Variants in RPS6KA2 observed in about 807,000 individuals in gnomAD.
The protein encoded by RPS6KA2 is ribosomal protein S6 kinase alpha-2.
In RPS6KA2, 42 loss-of-function variants were observed where a neutral mutation model predicts 91.8. The ratio of observed to expected loss-of-function variants is 0.46; its 90% CI spans 0.36 to 0.59. The LOEUF (loss-of-function observed/expected upper bound fraction) is 0.59. Ranked by LOEUF, RPS6KA2 falls within the 20% of genes least tolerant of loss-of-function variation. The probability of loss-of-function intolerance (pLI) is 0.00; values close to 1 mark genes in which losing one functional copy is unlikely to be tolerated. For missense variants in RPS6KA2, 798 were observed against 978.5 expected (o/e 0.82, Z 2.46); for synonymous variants, 414 against 393.6 (o/e 1.05, Z -0.61).
In RPS6KA2 at chr6:166,850,819, G is replaced by A. The variant is rs59700440; in HGVS notation, c.123+7381C>T. Among the ~76,000 whole-genome samples the A allele has an allele frequency of 8.6e-3, 1,311 of 152,208 alleles. 18 individuals are homozygous for A. The highest frequency in any genetic ancestry group is 0.03 in the African/African-American group (1,250 of 41,522). On this transcript the variant is annotated intron_variant, in intron 2 of 21. Transcript: ENST00000503859. The stretch of plus-strand genomic sequence containing the variant: ...ACAGGGACATGGAGGGACAGACAAC[G>A]TGGCCAGCACCCTCTGTGTGACCAG...
rs1482110679 is a variant in RPS6KA2 at position 166,735,656 on chromosome 6, G to C, written c.123+122544C>G. Reference sequence around the variant, plus strand: ...CAGGAGCATGCAACCTAGATCCCTCGTGTGCACAGTTCACAATAGGGTTCA... The same window carrying C: ...CAGGAGCATGCAACCTAGATCCCTCCTGTGCACAGTTCACAATAGGGTTCA... On this transcript the variant is annotated intron_variant, in intron 2 of 21. Coordinates refer to the RPS6KA2 transcript ENST00000503859. 5.6e-5 allele frequency among the ~76,000 whole-genome samples: 8 copies of C among 143,276 alleles called. 1 individual carries two copies. The highest frequency in any genetic ancestry group is 5.5e-4 in the Admixed American group (8 of 14,618). 94.0% of individuals were successfully genotyped at this position (143,276 alleles called of 152,430 possible). A position where few individuals can be genotyped will look rare whatever the true frequency, so the allele number is the denominator to read the frequency against.
At chr6:166,522,120 A>T (rs980961351) in intron 3 of RPS6KA2, among the ~76,000 whole-genome samples, 17 of 152,368 alleles carry the variant, frequency 1.1e-4, no homozygotes, top group South Asian at 2.1e-4. Context: ...TTTAGAAGCC[A>T]CACAATCTAT....
At chr6:166,527,780 G>A (rs7765185) in intron 3 of RPS6KA2, among the ~76,000 whole-genome samples, 5 of 151,832 alleles carry the variant, frequency 3.3e-5, no homozygotes, top group East Asian at 1.9e-4. Context: ...TCTCCTGGAC[G>A]GTCATATGAG....
Position 166,490,893 on chromosome 6 carries a change from G to A in RPS6KA2, c.748-152C>T. On this transcript the variant is annotated intron_variant, in intron 8 of 20. Coordinates refer to ENST00000265678, the MANE Select transcript of RPS6KA2 (RefSeq NM_021135.6). The surrounding 1 kb of genome is among the most constrained non-coding windows in gnomAD (Gnocchi z 4.2). ...GTAGCCACTGGCCTACGTGCTTGGG[G>A]TACAACAGTGACTAAAACTGCCTCG... 1.6e-6 allele frequency: 1 copy of A among 620,852 alleles called. No individual in the cohort carries two copies. The highest frequency in any genetic ancestry group is 2.9e-6 in the Non-Finnish European group (1 of 349,050). The allele number at this position is 620,852 out of a possible 1,614,324, so 38.5% of individuals were successfully genotyped here.
chr6:166,415,920 C>T (rs1355204568), intron 19 of RPS6KA2, among the ~76,000 whole-genome samples: 1 of 149,032 alleles, frequency 6.7e-6, no homozygotes, highest in Non-Finnish European at 1.5e-5. Context: ...CGTCCTTCCT[C>T]CATCACCCCC....
At chr6:166,739,382 A>C (rs1408346283) in intron 2 of RPS6KA2, among the ~76,000 whole-genome samples, 1 of 152,226 alleles carries the variant, frequency 6.6e-6, no homozygotes, top group Non-Finnish European at 1.5e-5. Flanking sequence ...AAATTACTTG[A>C]GCACAGCTGT....
intron 2 of RPS6KA2, among the ~76,000 whole-genome samples, chr6:166,758,234 G>C (rs947413021): frequency 5.9e-5 from 9 of 152,178 alleles, no homozygotes; most frequent in East Asian, 1.9e-4. Flanking sequence ...TGCACACCAA[G>C]GGTGCGAGGA....
At chr6:166,861,982 C>G (rs534156935) in intron 1 of RPS6KA2, 4 of 1,230,304 alleles carry the variant, frequency 3.3e-6, no homozygotes, top group Admixed American at 3.5e-5. Context: ...CACTGGATAG[C>G]CAACTCTCTG....
chr6:166,469,118 G>A (rs986238551), intron 11 of RPS6KA2, among the ~76,000 whole-genome samples: 2 of 152,196 alleles, frequency 1.3e-5, no homozygotes, highest in Admixed American at 6.5e-5. Context: ...AACTCCCTGT[G>A]TGGGGGACGC....
Position 166,662,561 on chromosome 6 carries a change from T to A in RPS6KA2, c.124-123777A>T, listed in dbSNP as rs1169684034. Reference sequence around the variant, plus strand: ...TTTATGTTATGAACACCAGTTAGTTTGCACCAGTTCCAGGAAAGAGATTCA... The same window carrying A: ...TTTATGTTATGAACACCAGTTAGTTAGCACCAGTTCCAGGAAAGAGATTCA... On this transcript the variant is annotated intron_variant, in intron 2 of 21. Transcript: ENST00000503859. The surrounding 1 kb of genome is among the most constrained non-coding windows in gnomAD (Gnocchi z 4.3). Among the ~76,000 whole-genome samples the A allele has an allele frequency of 2.0e-5, 3 of 152,188 alleles. No individual in the cohort carries two copies. The highest frequency in any genetic ancestry group is 2.0e-4 in the Admixed American group (3 of 15,280).
chr6:166,830,900 C>T (rs963912266), intron 2 of RPS6KA2, among the ~76,000 whole-genome samples: 1 of 152,236 alleles, frequency 6.6e-6, no homozygotes, highest in African/African-American at 2.4e-5. Context: ...TTTCCCAGCT[C>T]CCCCCTATCA....
In RPS6KA2 at chr6:166,437,046, TTTG is replaced by T. The variant is rs1342803327; in HGVS notation, c.1333-4559_1333-4557del. 6.6e-6 allele frequency among the ~76,000 whole-genome samples: 1 copy of T among 152,120 alleles called. No homozygotes were observed. The highest frequency in any genetic ancestry group is 1.5e-5 in the Non-Finnish European group (1 of 68,008). ...GAAAAAAAAATTTTTTTTTTTTGCT[TTTG>T]TTTTTATTTTTGCATGGAGGGTGAG... On this transcript the variant is annotated intron_variant, in intron 14 of 20. Transcript: ENST00000265678. The surrounding 1 kb of genome is among the most constrained non-coding windows in gnomAD (Gnocchi z 4.3).
rs983511092 is a variant in RPS6KA2 at position 166,648,266 on chromosome 6, TCATACACACG to T, written c.124-109492_124-109483del. 2.6e-5 allele frequency among the ~76,000 whole-genome samples: 4 copies of T among 151,432 alleles called. No individual in the cohort carries two copies. The highest frequency in any genetic ancestry group is 9.7e-5 in the African/African-American group (4 of 41,186). ...TTCACACAGGCACACACACTCATGTTCATACACACGCATGCACACAGTATGCACACACACG... is the reference window on the plus strand; with the variant it reads ...TTCACACAGGCACACACACTCATGTTCATGCACACAGTATGCACACACACG... On this transcript the variant is annotated intron_variant, in intron 2 of 21. Transcript: ENST00000503859. The surrounding 1 kb of genome is among the most constrained non-coding windows in gnomAD (Gnocchi z 4.8).
At chr6:166,488,769 C>G in intron 10 of RPS6KA2, 64 bp downstream of exon 10, 1 of 1,325,288 alleles carries the variant, frequency 7.5e-7, no homozygotes, top group South Asian at 1.2e-5. Context: ...CTCCACATCT[C>G]CACTGTAGCT....
Position 166,732,226 on chromosome 6 carries a change from A to T in RPS6KA2, c.123+125974T>A, listed in dbSNP as rs745489734. ...ATGCTGGGAACCTGGCATCTGTTAA[A>T]GTCTTCCCGCACTTCTGTATAGCTT... On this transcript the variant is annotated intron_variant, in intron 2 of 21. Coordinates refer to the RPS6KA2 transcript ENST00000503859. The surrounding 1 kb of genome is among the most constrained non-coding windows in gnomAD (Gnocchi z 4.0). 1.1e-4 allele frequency among the ~76,000 whole-genome samples: 16 copies of T among 152,244 alleles called. No individual in the cohort carries two copies. Among genetic ancestry groups the T allele is most frequent in the Admixed American group, 3.9e-4 (6 of 15,282 alleles).
chr6:166,745,177 GT>G (rs1286613782), intron 2 of RPS6KA2, among the ~76,000 whole-genome samples: 2 of 137,648 alleles, frequency 1.5e-5, no homozygotes, highest in Non-Finnish European at 3.1e-5. Context: ...TTGAGAGAGA[GT>G]TTTGCCCTTG....
At chr6:166,808,684 A>G (rs566991068) in intron 2 of RPS6KA2, among the ~76,000 whole-genome samples, 203 of 152,364 alleles carry the variant, frequency 1.3e-3, no homozygotes, top group African/African-American at 4.7e-3. Context: ...GTCAGTTTCC[A>G]TTAAAGAAAG....
At chr6:166,688,986 C>A (rs2128570175) in intron 2 of RPS6KA2, among the ~76,000 whole-genome samples, 1 of 152,364 alleles carries the variant, frequency 6.6e-6, no homozygotes, top group Admixed American at 6.5e-5. Flanking sequence ...GAAATCCACC[C>A]TTGCTTCAGG....
chr6:166,817,263 T>A (rs962552083), intron 2 of RPS6KA2, among the ~76,000 whole-genome samples: 3 of 152,148 alleles, frequency 2.0e-5, no homozygotes, highest in Non-Finnish European at 2.9e-5. Context: ...GACAGTGATA[T>A]TCCCCAGCCT....
Sources: gnomAD v4.1 joint callset for allele counts (sites outside exome capture counted in the v4.1 genomes callset) on GRCh38, gnomAD v4.1.1 for gene constraint, Gnocchi (gnomAD v3.1) non-coding constraint, MANE v1.5 for transcripts, NCBI Gene and HGNC (gene_info 2026-07-23, HGNC 2026-07-21) for gene names.